MTCL1: variants seen among roughly 807,000 people sequenced by gnomAD.
MTCL1 encodes microtubule cross-linking factor 1.
Under a neutral mutation model 141.4 loss-of-function variants are expected in MTCL1, and 79 were observed. The observed-to-expected ratio is 0.56, with a 90% CI of 0.47 to 0.67. The LOEUF (loss-of-function observed/expected upper bound fraction) is 0.67, where lower values mean the gene tolerates loss of function less well. MTCL1 is among the 30% of genes least tolerant of loss of function. MTCL1 has a pLI of 0.00. For synonymous variants in MTCL1, 914 were observed against 875.8 expected (o/e 1.04, Z -0.77); for missense variants, 2,177 against 2,113.9 (o/e 1.03, Z -0.59).
chr18:8,787,110 C>T (rs2096558991), intron 7 of MTCL1: 1 of 152,374 alleles, frequency 6.6e-6, no homozygotes, highest in Admixed American at 6.5e-5. Flanking sequence ...ATTGTGTAAC[C>T]TGGAGCAGTG....
At chr18:8,824,816 T>A (rs1166759701) in exon 15 of MTCL1, 1 of 1,614,092 alleles carries the variant, frequency 6.2e-7, no homozygotes, top group South Asian at 1.1e-5. Flanking sequence ...CACCCCTGTC[T>A]CCAGACGACC....
intron 5 of MTCL1, chr18:8,782,192 C>T (rs1433079325): frequency 6.6e-6 from 1 of 152,170 alleles, no homozygotes; most frequent in Non-Finnish European, 1.5e-5. Flanking sequence ...GTTAATTCTC[C>T]CCCGGGGGCT....
At chr18:8,808,247 G>A (rs1426682535) in intron 11 of MTCL1, among the ~76,000 whole-genome samples, 12 of 152,176 alleles carry the variant, frequency 7.9e-5, no homozygotes, top group East Asian at 1.9e-4. Context: ...CATCAGCAGC[G>A]GAGGAGAAAT....
intron 12 of MTCL1, among the ~76,000 whole-genome samples, chr18:8,816,442 TGGCTAA>T (rs1194814104): frequency 6.6e-6 from 1 of 152,236 alleles, no homozygotes; most frequent in Admixed American, 6.5e-5. Flanking sequence ...TGTGGGAATG[TGGCTAA>T]GGTCATATAA....
rs2075688370 is a variant in MTCL1, at chr18:8,790,618, T to C, written c.1888-2380T>C. 3.9e-5 allele frequency among the ~76,000 whole-genome samples: 6 copies of C among 152,324 alleles called. No individual in the cohort carries two copies. The South Asian group carries it at 1.2e-3, about 32-fold the overall frequency. On this transcript the variant is annotated intron_variant, in intron 7 of 16. Transcript: ENST00000359865. ...TAGCACTGGAGGTGCTCAATAAATA[T>C]TGAATAAAACACTGCATAAAATAGA...
intron 4 of MTCL1, among the ~76,000 whole-genome samples, chr18:8,772,001 T>C (rs540763954): frequency 6.6e-6 from 1 of 152,354 alleles, no homozygotes; most frequent in East Asian, 1.9e-4. Flanking sequence ...ACGCAAATTG[T>C]CCTGCACCCG....
At chr18:8,829,262 G>C in intron 16 of MTCL1, 2 of 985,476 alleles carry the variant, frequency 2.0e-6, no homozygotes, top group Non-Finnish European at 2.4e-6. Flanking sequence ...GAATTGAGTA[G>C]ATACTGGCCA....
intron 10 of MTCL1, among the ~76,000 whole-genome samples, chr18:8,799,711 G>A (rs4797331): frequency 0.19 from 28,258 of 152,186 alleles, 3,222 homozygotes; most frequent in Admixed American, 0.3. Flanking sequence ...AACCTGCTGC[G>A]TCTAAGAAAA....
In MTCL1 at chr18:8,824,776, C is replaced by T. The variant is rs145193610; in HGVS notation, c.3266C>T (p.Pro1089Leu). The T allele has an allele frequency of 6.1e-5, 98 of 1,614,162 alleles. No homozygotes were observed. The African/African-American group carries it at 1.1e-3, about 17-fold the overall frequency. Residue 1089 changes from proline (P) to leucine (L), a missense_variant, in exon 15 of 17, where the codon CCG (proline) becomes CTG (leucine). By Grantham distance (98) the Pro-to-Leu change is moderately conservative. Transcript: ENST00000359865. ...CCCTTCCTGCCTGAGAAGGGCCTGC[C>T]GTCCACCAGCAGCAAGGAGGATGTC... is the stretch of plus-strand genomic sequence containing the variant.
At chr18:8,794,252 C>G (rs2075835422) in intron 8 of MTCL1, among the ~76,000 whole-genome samples, 1 of 152,174 alleles carries the variant, frequency 6.6e-6, no homozygotes, top group Non-Finnish European at 1.5e-5. Flanking sequence ...GTCCATGGCC[C>G]ACGTGTTTCT....
upstream of MTCL1, among the ~76,000 whole-genome samples, chr18:8,712,768 T>C (rs1339630153): frequency 6.6e-6 from 1 of 152,110 alleles, no homozygotes; most frequent in Non-Finnish European, 1.5e-5. Flanking sequence ...ACATTTCCCT[T>C]GTCTGGAGGG....
In MTCL1 at chr18:8,762,864, C is replaced by T. The variant is rs571852224; in HGVS notation, c.358-14969C>T. 3.3e-5 allele frequency among the ~76,000 whole-genome samples: 5 copies of T among 152,240 alleles called. No individual in the cohort carries two copies. The South Asian group carries it at 6.2e-4, about 19-fold the overall frequency. On this transcript the variant is annotated intron_variant, in intron 4 of 16. Coordinates refer to ENST00000359865, the Ensembl canonical transcript of MTCL1. ...GAGCGTGAGAGCACGGGGAAAGGGG[C>T]GAGTGTGGTGCCCGGCTCAGGCTTG...
upstream of MTCL1, among the ~76,000 whole-genome samples, chr18:8,715,004 G>T (rs922991291): frequency 1.3e-5 from 2 of 152,098 alleles, no homozygotes; most frequent in African/African-American, 4.8e-5. Context: ...CACTGTGTTA[G>T]CCAGGATGGT....
At chr18:8,786,394 T>G in intron 7 of MTCL1, 1 of 598,396 alleles carries the variant, frequency 1.7e-6, no homozygotes, top group Non-Finnish European at 3.2e-6. Flanking sequence ...GAGTGCGCAG[T>G]GGCTTCTTGT....
exon 6 of MTCL1, chr18:8,784,024 C>G (rs756920488): frequency 6.2e-7 from 1 of 1,613,546 alleles, no homozygotes; most frequent in Non-Finnish European, 8.5e-7. Context: ...AACTGACCCA[C>G]GAGCTCAGCA....
At chr18:8,745,989 T>G (rs571261307) in intron 4 of MTCL1, among the ~76,000 whole-genome samples, 1 of 152,318 alleles carries the variant, frequency 6.6e-6, no homozygotes, top group Admixed American at 6.5e-5. Context: ...TCATACAGTA[T>G]TTGTCTTTTT....
chr18:8,827,745 A>G (rs1180725418), intron 15 of MTCL1, among the ~76,000 whole-genome samples: 2 of 152,218 alleles, frequency 1.3e-5, no homozygotes, highest in Non-Finnish European at 2.9e-5. Context: ...TTTATATTAC[A>G]CACCAAATAG....
exon 17 of MTCL1, chr18:8,832,586 G>A (rs1334701423): frequency 2.0e-5 from 3 of 152,162 alleles, no homozygotes; most frequent in Admixed American, 1.3e-4. Flanking sequence ...TTCTTGCATC[G>A]ATGATCCAAC....
At chr18:8,793,321 A>C (rs968789061) in intron 8 of MTCL1, among the ~76,000 whole-genome samples, 3 of 151,732 alleles carry the variant, frequency 2.0e-5, no homozygotes, top group African/African-American at 7.3e-5. Context: ...GCTCTGGCAC[A>C]TGCTTTTCAG....
Sources: allele counts gnomAD v4.1 joint callset (sites outside exome capture counted in the v4.1 genomes callset), GRCh38; gene constraint gnomAD v4.1.1; transcripts MANE v1.5; gene names NCBI Gene and HGNC (gene_info 2026-07-23, HGNC 2026-07-21).